Variants in MPZL3 observed in about 807,000 individuals in gnomAD.
The protein encoded by MPZL3 is myelin protein zero-like protein 3.
In MPZL3, 23 loss-of-function variants were observed where a neutral mutation model predicts 24.8. That is an observed-to-expected ratio of 0.93 (90% CI 0.67 to 1.31). The LOEUF (loss-of-function observed/expected upper bound fraction) is 1.31. Among genes scored for constraint, MPZL3 ranks in the 40% most tolerant of loss-of-function variants. MPZL3 has a pLI of 0.00. For synonymous variants in MPZL3, 99 were observed against 106.5 expected (o/e 0.93, Z 0.44); for missense variants, 277 against 294.9 (o/e 0.94, Z 0.44).
chr11:118,244,994 T>C (rs1243153531), intron 1 of MPZL3, among the ~76,000 whole-genome samples: 1 of 151,914 alleles, frequency 6.6e-6, no homozygotes, highest in African/African-American at 2.4e-5. Flanking sequence ...GATAATGGCA[T>C]GAACCTGGGA....
chr11:118,248,907 A>G (rs1949587857), intron 1 of MPZL3, among the ~76,000 whole-genome samples: 1 of 152,228 alleles, frequency 6.6e-6, no homozygotes, highest in African/African-American at 2.4e-5. Context: ...TTGAAAGAAA[A>G]GTGCCTTTTA....
intron 1 of MPZL3, 82 bp downstream of exon 1, chr11:118,252,140 C>T (rs187122739): frequency 3.3e-5 from 47 of 1,424,158 alleles, no homozygotes; most frequent in Non-Finnish European, 4.5e-5. Flanking sequence ...TTTCTGGAGA[C>T]CCCCCTACCC....
chr11:118,235,497 C>T lies in MPZL3; in HGVS notation c.544G>A (p.Gly182Arg). ...VVVALLLVRMGRKAAGLKKRS... is the reference protein window; with the variant it reads ...VVVALLLVRMRRKAAGLKKRS... ...TTCTTCAGCCCAGCAGCCTTCCTCCCCATTCTCACCAGCAGCAGAGCAACC... is the reference window on the plus strand; with the variant it reads ...TTCTTCAGCCCAGCAGCCTTCCTCCTCATTCTCACCAGCAGCAGAGCAACC... Residue 182 changes from glycine (G) to arginine (R), a missense_variant, in exon 4 of 6, where the codon GGG becomes AGG. Physicochemically the swap from Gly to Arg is moderately radical, Grantham distance 125. Transcript: ENST00000278949. 1 of 1,613,962 alleles carries T rather than the reference C, an allele frequency of 6.2e-7. No individual in the cohort carries two copies. The highest frequency in any genetic ancestry group is 8.5e-7 in the Non-Finnish European group (1 of 1,179,940).
chr11:118,231,405 G>C (rs950729698), intron 5 of MPZL3, among the ~76,000 whole-genome samples: 40 of 151,980 alleles, frequency 2.6e-4, no homozygotes, highest in African/African-American at 9.7e-4. Context: ...AAATCTTGGA[G>C]GGCCCAGGTT....
intron 1 of MPZL3, among the ~76,000 whole-genome samples, chr11:118,242,575 T>C (rs1426578310): frequency 6.6e-6 from 1 of 152,228 alleles, no homozygotes; most frequent in Admixed American, 6.5e-5. Flanking sequence ...ATGTCCCACA[T>C]GTACTGTGTC....
At chr11:118,246,618 T>C (rs1328555744) in intron 1 of MPZL3, among the ~76,000 whole-genome samples, 1 of 135,320 alleles carries the variant, frequency 7.4e-6, no homozygotes, top group African/African-American at 2.9e-5. Flanking sequence ...AGGGCATCAC[T>C]CTGTTGCTCA....
At chr11:118,239,862 A>C (rs1050599758) in intron 2 of MPZL3, among the ~76,000 whole-genome samples, 2 of 152,254 alleles carry the variant, frequency 1.3e-5, no homozygotes, top group Non-Finnish European at 2.9e-5. Flanking sequence ...GACTGGACCC[A>C]TAGAATTTTT....
Position 118,242,053 on chromosome 11 carries a change from G to T in MPZL3, c.74-1676C>A, listed in dbSNP as rs560962165. Among the ~76,000 whole-genome samples the T allele has an allele frequency of 2.1e-4, 31 of 150,374 alleles. 1 individual carries two copies. The South Asian group carries it at 6.6e-3, about 32-fold the overall frequency. On this transcript the variant is annotated intron_variant, in intron 1 of 5. Transcript: ENST00000278949. ...ACTCAAGATCTAGCTCTAAAAACTG[G>T]AAGGTGGAAATGAATGGACAATCTA...
chr11:118,250,450 T>C (rs1949606925), intron 1 of MPZL3, among the ~76,000 whole-genome samples: 1 of 152,122 alleles, frequency 6.6e-6, no homozygotes, highest in African/African-American at 2.4e-5. Flanking sequence ...GATGAAAATG[T>C]TCTAAAATTG....
intron 2 of MPZL3, among the ~76,000 whole-genome samples, chr11:118,238,670 G>A (rs1374284037): frequency 6.6e-6 from 1 of 152,150 alleles, no homozygotes; most frequent in Non-Finnish European, 1.5e-5. Context: ...TCATTCATTT[G>A]TTCATGCATT....
chr11:118,237,051 C>A lies in MPZL3; in HGVS notation c.450G>T (p.Arg150Ser). Residue 150 changes from arginine (R) to serine (S), a missense_variant and splice_region_variant, in exon 3 of 6, where the codon AGG becomes AGT. Coordinates refer to ENST00000278949, the MANE Select transcript of MPZL3 (RefSeq NM_198275.3). ...IPMTELTVTE[R>S]GFGTMLSSVA... ...GAAGGTTGGTGGCAATGAGCTTACC[C>A]CTTTCTGTGACTGTTAGCTCTGTCA... is the stretch of plus-strand genomic sequence containing the variant. 1 of 1,613,620 alleles carries A rather than the reference C, an allele frequency of 6.2e-7. No individual in the cohort carries two copies. Among genetic ancestry groups the A allele is most frequent in the Non-Finnish European group, 8.5e-7 (1 of 1,179,620 alleles).
At chr11:118,246,079 CACAT>C (rs1040986723) in intron 1 of MPZL3, among the ~76,000 whole-genome samples, 3 of 152,206 alleles carry the variant, frequency 2.0e-5, no homozygotes, top group Non-Finnish European at 4.4e-5. Context: ...CATACACACA[CACAT>C]ACTCACTCTA....
At chr11:118,234,058 G>A (rs569530967) in intron 4 of MPZL3, among the ~76,000 whole-genome samples, 5 of 152,036 alleles carry the variant, frequency 3.3e-5, no homozygotes, top group African/African-American at 1.2e-4. Context: ...CAGTTGTTAG[G>A]AATAAATAAA....
chr11:118,242,270 G>T (rs1949506865), intron 1 of MPZL3, among the ~76,000 whole-genome samples: 2 of 152,036 alleles, frequency 1.3e-5, no homozygotes, highest in Non-Finnish European at 2.9e-5. Context: ...ATAATAACAA[G>T]ATCTACTTCA....
rs1949300804 is a variant in MPZL3 at position 118,228,422 on chromosome 11, C to T, written c.*1472G>A. The stretch of plus-strand genomic sequence containing the variant: ...CATAATTGAGAAGTAAATCCAATCA[C>T]TATTACAGAAGACTATTTATATATG... On this transcript the variant is annotated 3_prime_UTR_variant, in exon 6 of 6. Transcript: ENST00000278949. 1 of 152,166 alleles carries T rather than the reference C, an allele frequency of 6.6e-6. No homozygotes were observed. The highest frequency in any genetic ancestry group is 1.5e-5 in the Non-Finnish European group (1 of 68,024). The allele number at this position is 152,166 out of a possible 1,614,324, so 9.4% of individuals were successfully genotyped here. A position where few individuals can be genotyped will look rare whatever the true frequency, so the allele number is the denominator to read the frequency against.
intron 1 of MPZL3, among the ~76,000 whole-genome samples, chr11:118,245,789 T>C (rs1949550534): frequency 6.6e-6 from 1 of 152,210 alleles, no homozygotes; most frequent in Admixed American, 6.5e-5. Flanking sequence ...AGTGGTCTTT[T>C]GGTAAACAGC....
intron 1 of MPZL3, among the ~76,000 whole-genome samples, chr11:118,250,804 C>G (rs772486041): frequency 7.2e-5 from 11 of 152,054 alleles, no homozygotes; most frequent in Non-Finnish European, 1.6e-4. Context: ...AGCCTGGTCT[C>G]GAACTCCTGA....
chr11:118,248,198 T>C (rs1170222739), intron 1 of MPZL3, among the ~76,000 whole-genome samples: 1 of 151,438 alleles, frequency 6.6e-6, no homozygotes, highest in Non-Finnish European at 1.5e-5. Flanking sequence ...GTATTTTTAG[T>C]AGAGACAGGG....
chr11:118,230,799 T>A (rs1157271896), intron 5 of MPZL3, among the ~76,000 whole-genome samples: 1 of 152,156 alleles, frequency 6.6e-6, no homozygotes, highest in Non-Finnish European at 1.5e-5. Flanking sequence ...TGGCCTTCCC[T>A]ATTGTTCTTA....
Sources: allele counts gnomAD v4.1 joint callset (sites outside exome capture counted in the v4.1 genomes callset), GRCh38; gene constraint gnomAD v4.1.1; transcripts MANE v1.5; gene names NCBI Gene and HGNC (gene_info 2026-07-23, HGNC 2026-07-21).